Variants in NTM observed in about 807,000 individuals in gnomAD.
NTM encodes neurotrimin.
NTM carries 13 observed loss-of-function variants against 42.1 expected under a neutral mutation model. The ratio of observed to expected loss-of-function variants is 0.31; its 90% confidence interval spans 0.20 to 0.49. The LOEUF (loss-of-function observed/expected upper bound fraction) is 0.49. Among genes scored for constraint, NTM ranks in the 20% least tolerant of loss-of-function variants. The pLI, the probability that NTM is intolerant of heterozygous loss-of-function variation, is 0.99. For synonymous variants in NTM, 187 were observed against 179.2 expected (o/e 1.04, Z -0.35); for missense variants, 373 against 452.8 (o/e 0.82, Z 1.60).
Position 132,335,730 on chromosome 11 carries a change from T to C in NTM, c.*584T>C, listed in dbSNP as rs2095867423. On this transcript the variant is annotated 3_prime_UTR_variant, in exon 9 of 9. Coordinates refer to ENST00000683400, the MANE Select transcript of NTM (RefSeq NM_001352005.2). ...CAAGTCACAAAAGATACCGTTAAAC[T>C]TTTTTTTTTTTTTATCATTTTACTA... The C allele has an allele frequency of 9.0e-6, 1 of 110,816 alleles. No individual in the cohort carries two copies. Among genetic ancestry groups the C allele is most frequent in the African/African-American group, 4.7e-5 (1 of 21,432 alleles). The allele number at this position is 110,816 out of a possible 1,614,324, so 6.9% of individuals were successfully genotyped here.
chr11:132,277,117 T>C (rs1345105628), intron 4 of NTM, among the ~76,000 whole-genome samples: 1 of 152,234 alleles, frequency 6.6e-6, no homozygotes, highest in African/African-American at 2.4e-5. Flanking sequence ...TTTTACTTCT[T>C]CCTTTCTAAT....
chr11:131,750,453 G>T (rs2082350234), intron 1 of NTM, among the ~76,000 whole-genome samples: 1 of 152,172 alleles, frequency 6.6e-6, no homozygotes, highest in Non-Finnish European at 1.5e-5. Flanking sequence ...AGCCACTGCA[G>T]GGTGCCTGGT....
chr11:131,718,101 A>G (rs1429679959), intron 1 of NTM, among the ~76,000 whole-genome samples: 3 of 152,126 alleles, frequency 2.0e-5, no homozygotes, highest in African/African-American at 4.8e-5. Context: ...TTTGAATTCA[A>G]TTTACTAACA....
chr11:131,372,752 C>T (rs1357558084), intron 1 of NTM, among the ~76,000 whole-genome samples: 1 of 152,038 alleles, frequency 6.6e-6, no homozygotes, highest in East Asian at 1.9e-4. Context: ...TGCCAGGAGC[C>T]CCAGGGCCAT....
intron 2 of NTM, chr11:131,922,293 C>T (rs1419406461): frequency 2.0e-5 from 3 of 152,696 alleles, no homozygotes; most frequent in Non-Finnish European, 4.4e-5. Flanking sequence ...GCCCTCTGCC[C>T]CTTCCTTGCC....
chr11:131,854,716 C>T (rs11825059), intron 1 of NTM, among the ~76,000 whole-genome samples: 1 of 152,040 alleles, frequency 6.6e-6, no homozygotes, highest in Non-Finnish European at 1.5e-5. Flanking sequence ...GAAGACTTTG[C>T]AGGTTTTGAA....
At chr11:132,261,205 G>T (rs568904011) in intron 4 of NTM, among the ~76,000 whole-genome samples, 1 of 152,122 alleles carries the variant, frequency 6.6e-6, no homozygotes, top group Non-Finnish European at 1.5e-5. Flanking sequence ...AGAGAGTAGA[G>T]GTGGCTCCAC....
At chr11:131,791,281 A>C (rs2090898423) in intron 1 of NTM, among the ~76,000 whole-genome samples, 1 of 152,244 alleles carries the variant, frequency 6.6e-6, no homozygotes, top group Non-Finnish European at 1.5e-5. Context: ...AGGTACTTGC[A>C]GATATTCTGG....
chr11:132,159,444 C>G (rs1490295862), intron 3 of NTM, among the ~76,000 whole-genome samples: 1 of 152,162 alleles, frequency 6.6e-6, no homozygotes, highest in Non-Finnish European at 1.5e-5. Context: ...GACTTTGTTT[C>G]TGTTTGGAAT....
intron 1 of NTM, among the ~76,000 whole-genome samples, chr11:131,611,900 C>T (rs2061494907): frequency 6.6e-6 from 1 of 152,182 alleles, no homozygotes; most frequent in Non-Finnish European, 1.5e-5. Context: ...AGATTAATTG[C>T]TAACTGTGGC....
chr11:131,649,174 C>T (rs1743082805), intron 1 of NTM, among the ~76,000 whole-genome samples: 2 of 152,206 alleles, frequency 1.3e-5, no homozygotes, highest in South Asian at 2.1e-4. Context: ...CAAGTGACAC[C>T]TTTCCCCAGA....
At chr11:132,158,067 G>T (rs2073572567) in intron 3 of NTM, among the ~76,000 whole-genome samples, 1 of 152,200 alleles carries the variant, frequency 6.6e-6, no homozygotes, top group African/African-American at 2.4e-5. Context: ...CTCAGCGAAA[G>T]CATTTCTGTG....
intron 1 of NTM, chr11:131,539,732 A>C (rs2052896096): frequency 6.5e-6 from 1 of 152,756 alleles, no homozygotes; most frequent in South Asian, 2.1e-4. Context: ...ATAGAGGTGG[A>C]CTTACCAGCA....
intron 7 of NTM, among the ~76,000 whole-genome samples, chr11:132,329,227 A>G (rs751121896): frequency 6.6e-6 from 1 of 152,200 alleles, no homozygotes; most frequent in Non-Finnish European, 1.5e-5. Flanking sequence ...CTTTGATGCA[A>G]AAAGCTTTAG....
At chr11:132,052,899 T>G (rs569365175) in intron 2 of NTM, among the ~76,000 whole-genome samples, 1 of 152,232 alleles carries the variant, frequency 6.6e-6, no homozygotes, top group South Asian at 2.1e-4. Flanking sequence ...TCCCTGGATT[T>G]TTTTTTCTCA....
chr11:132,178,749 G>T (rs2077160898), intron 3 of NTM, among the ~76,000 whole-genome samples: 1 of 152,078 alleles, frequency 6.6e-6, no homozygotes, highest in Non-Finnish European at 1.5e-5. Flanking sequence ...CATGATGAAG[G>T]TAATTAAAAA....
At chr11:131,819,746 G>A (rs1046837806) in intron 1 of NTM, among the ~76,000 whole-genome samples, 6 of 152,156 alleles carry the variant, frequency 3.9e-5, no homozygotes, top group Non-Finnish European at 8.8e-5. Context: ...AAACACGTCC[G>A]TGTTCGGGGC....
At position 131,661,682 on chromosome 11, in the gene NTM, T is replaced by C. The variant is rs137895296; in HGVS notation, c.83-249882T>C. ...TTCTTGGTCAGTCAAGAAAGGCGTTTTGAAGTTCCAGGCTAGTTTTGGCTT... is the reference window on the plus strand; with the variant it reads ...TTCTTGGTCAGTCAAGAAAGGCGTTCTGAAGTTCCAGGCTAGTTTTGGCTT... On this transcript the variant is annotated intron_variant, in intron 1 of 8. Transcript: ENST00000683400. 3.1e-3 allele frequency among the ~76,000 whole-genome samples: 479 copies of C among 152,280 alleles called. 3 individuals carry two copies. Among genetic ancestry groups the C allele is most frequent in the African/African-American group, 0.011 (457 of 41,546 alleles).
chr11:131,483,337 G>A (rs1433370171), intron 1 of NTM, among the ~76,000 whole-genome samples: 1 of 152,158 alleles, frequency 6.6e-6, no homozygotes, highest in Non-Finnish European at 1.5e-5. Context: ...AGACTGTCAG[G>A]GTTACACATT....
Sources: allele counts gnomAD v4.1 joint callset (sites outside exome capture counted in the v4.1 genomes callset), GRCh38; gene constraint gnomAD v4.1.1; transcripts MANE v1.5; gene names NCBI Gene and HGNC (gene_info 2026-07-23, HGNC 2026-07-21).